TBC1D9B: variants seen among roughly 807,000 people sequenced by gnomAD.
TBC1D9B encodes TBC1 domain family member 9B, also known as TBC1 domain family, member 9B (with GRAM domain).
Under a neutral mutation model 121.1 loss-of-function variants are expected in TBC1D9B, and 87 were observed. That is an observed-to-expected ratio of 0.72 (90% CI 0.60 to 0.86). The LOEUF (loss-of-function observed/expected upper bound fraction) is 0.86. Ranked by LOEUF, TBC1D9B falls within the 40% of genes least tolerant of loss-of-function variation. TBC1D9B has a pLI of 0.00. For synonymous variants in TBC1D9B, 668 were observed against 670.1 expected, an observed-to-expected ratio of 1.00 and a Z score of 0.05; for missense variants, 1,540 against 1,628.6, an observed-to-expected ratio of 0.95 and a Z score of 0.94.
At chr5:179,873,911 G>A (rs1331487488) in intron 12 of TBC1D9B, among the ~76,000 whole-genome samples, 2 of 152,162 alleles carry the variant, frequency 1.3e-5, no homozygotes, top group African/African-American at 4.8e-5. Context: ...GGAAGCGGCA[G>A]GAAAACCAGC....
chr5:179,873,801 C>T (rs911580744), intron 12 of TBC1D9B, among the ~76,000 whole-genome samples: 2 of 151,998 alleles, frequency 1.3e-5, no homozygotes, highest in Non-Finnish European at 2.9e-5. Context: ...CTGAGCCTGA[C>T]ACTCAGGTGG....
rs1017328377 is a variant in TBC1D9B, at chr5:179,904,520, G to A, written c.229+182C>T. On this transcript the variant is annotated intron_variant, in intron 2 of 20. Coordinates refer to ENST00000355235, the MANE Select transcript of TBC1D9B (RefSeq NM_015043.4). The surrounding 1 kb of genome is among the most constrained non-coding windows in gnomAD (Gnocchi z 4.2). The stretch of plus-strand genomic sequence containing the variant: ...GATTACAGACGTGAGCCACCGCACC[G>A]GGCCACGGAGCTGCCTTTCTAAGAT... Among the ~76,000 whole-genome samples, 8 of 152,230 alleles carry A rather than the reference G, an allele frequency of 5.3e-5. No homozygotes were observed. The highest frequency in any genetic ancestry group is 1.9e-4 in the East Asian group (1 of 5,170).
intron 17 of TBC1D9B, 80 bp downstream of exon 17, chr5:179,869,689 C>T: frequency 6.6e-7 from 1 of 1,509,406 alleles, no homozygotes; most frequent in Non-Finnish European, 9.1e-7. Context: ...GCCCCACAGT[C>T]TCACAGAGGC....
chr5:179,869,500 C>T (rs1760120014), intron 17 of TBC1D9B: 4 of 636,370 alleles, frequency 6.3e-6, no homozygotes, highest in Non-Finnish European at 1.2e-5. Flanking sequence ...GGTTTTGGGT[C>T]CAGCTGCCTC....
intron 16 of TBC1D9B, 125 bp from the exon 17 acceptor site, chr5:179,869,959 G>T: frequency 9.7e-7 from 1 of 1,026,358 alleles, no homozygotes; most frequent in Non-Finnish European, 1.4e-6. Context: ...GTCACAGGGT[G>T]AGTCCCAGAT....
At chr5:179,881,775 C>T (rs1016304774) in intron 7 of TBC1D9B, among the ~76,000 whole-genome samples, 1 of 152,110 alleles carries the variant, frequency 6.6e-6, no homozygotes, top group Admixed American at 6.5e-5. Flanking sequence ...TCTTAGTCCT[C>T]TCTTTTTAAG....
intron 1 of TBC1D9B, among the ~76,000 whole-genome samples, chr5:179,906,363 AAGG>A (rs1242604710): frequency 2.0e-5 from 3 of 152,142 alleles, no homozygotes; most frequent in Non-Finnish European, 2.9e-5. Context: ...GTGAGGTGGA[AAGG>A]AGAAGAGCCC....
intron 3 of TBC1D9B, among the ~76,000 whole-genome samples, chr5:179,895,196 T>C (rs1285715789): frequency 6.6e-6 from 1 of 152,204 alleles, no homozygotes; most frequent in African/African-American, 2.4e-5. Context: ...GTTATTTTCA[T>C]GTAAAATTGT....
At chr5:179,882,640 T>A (rs1279544711) in intron 7 of TBC1D9B, among the ~76,000 whole-genome samples, 1 of 152,116 alleles carries the variant, frequency 6.6e-6, no homozygotes. Context: ...GGTCAGGAGT[T>A]CGAGATCAGT....
At chr5:179,867,186 A>T in intron 18 of TBC1D9B, 1 of 434,470 alleles carries the variant, frequency 2.3e-6, no homozygotes, top group Non-Finnish European at 4.2e-6. Context: ...AGGAAGACAG[A>T]ATGTCTCTAA....
chr5:179,870,353 C>T lies in TBC1D9B; in HGVS notation c.2627G>A (p.Cys876Tyr), dbSNP rs1318084783. Residue 876 changes from cysteine (C) to tyrosine (Y), a missense_variant, in exon 16 of 21, where the codon TGT (cysteine) becomes TAT (tyrosine). Coordinates refer to ENST00000355235, the MANE Select transcript of TBC1D9B (RefSeq NM_015043.4). The stretch of plus-strand genomic sequence containing the variant: ...TGCCAGCAGAGGTGTGTGGGAGCCA[C>T]AGGCCCAGGGTGTCAGGCTGGCAAA... ...ELFASLTPWA[C>Y]GSHTPLLAGR... 1 of 1,613,906 alleles carries T rather than the reference C, an allele frequency of 6.2e-7. No individual in the cohort carries two copies. Among genetic ancestry groups the T allele is most frequent in the African/African-American group, 1.3e-5 (1 of 75,072 alleles).
In TBC1D9B at chr5:179,874,616, T is replaced by C. The variant is rs1212705231; in HGVS notation, c.2186+286A>G. 6.6e-6 allele frequency among the ~76,000 whole-genome samples: 1 copy of C among 152,178 alleles called. No individual in the cohort carries two copies. Among genetic ancestry groups the C allele is most frequent in the Non-Finnish European group, 1.5e-5 (1 of 68,018 alleles). ...AATTGTGGTCACTGGATCTTGGCTCTGGTTTGCCCTCAGGGGAAGCATCTC... is the reference window on the plus strand; with the variant it reads ...AATTGTGGTCACTGGATCTTGGCTCCGGTTTGCCCTCAGGGGAAGCATCTC... On this transcript the variant is annotated intron_variant, in intron 12 of 20. Transcript: ENST00000355235. This position sits in a 1 kb window ranked among gnomAD's most constrained non-coding sequence, Gnocchi z 4.3.
chr5:179,899,124 G>A, intron 3 of TBC1D9B, 65 bp downstream of exon 3: 1 of 1,343,110 alleles, frequency 7.4e-7, no homozygotes, highest in South Asian at 1.2e-5. Context: ...GATGAAATAG[G>A]ATAATACACG....
At position 179,874,147 on chromosome 5, in the gene TBC1D9B, C is replaced by A. The variant is rs978720629; in HGVS notation, c.2186+755G>T. Among the ~76,000 whole-genome samples, 1 of 152,190 alleles carries A rather than the reference C, an allele frequency of 6.6e-6. No individual in the cohort carries two copies. Among genetic ancestry groups the A allele is most frequent in the African/African-American group, 2.4e-5 (1 of 41,434 alleles). On this transcript the variant is annotated intron_variant, in intron 12 of 20. Transcript: ENST00000355235. This position sits in a 1 kb window ranked among gnomAD's most constrained non-coding sequence, Gnocchi z 4.3. ...GGGTGGGACTGCACAGAGCTCAGGG[C>A]AGGGCAGAGTGTAGCCAGGAGGGGC...
At chr5:179,886,874 A>G (rs976239562) in intron 7 of TBC1D9B, among the ~76,000 whole-genome samples, 3 of 152,240 alleles carry the variant, frequency 2.0e-5, no homozygotes, top group Non-Finnish European at 4.4e-5. Flanking sequence ...ATCAAAGACG[A>G]CCAGTGTCGT....
At position 179,865,790 on chromosome 5, in the gene TBC1D9B, GC is replaced by G. The variant is rs1193674165; in HGVS notation, c.2914+47del. 1 of 1,539,952 alleles carries G rather than the reference GC, an allele frequency of 6.5e-7. No homozygotes were observed. The highest frequency in any genetic ancestry group is 2.3e-5 in the East Asian group (1 of 44,236). ...GGGGAAAAGACCAGCAAGCAAGGGT[GC>G]CTCAACGCTGGGGTCTCTAAGAACA... On this transcript the variant is annotated intron_variant, in intron 19 of 20. Coordinates refer to ENST00000355235, the MANE Select transcript of TBC1D9B (RefSeq NM_015043.4). This position sits in a 1 kb window ranked among gnomAD's most constrained non-coding sequence, Gnocchi z 5.1.
At position 179,899,177 on chromosome 5, in the gene TBC1D9B, G is replaced by C; in HGVS notation, c.348+12C>G. The C allele has an allele frequency of 6.3e-7, 1 of 1,577,134 alleles. No individual in the cohort carries two copies. The highest frequency in any genetic ancestry group is 8.6e-7 in the Non-Finnish European group (1 of 1,158,226). On this transcript the variant is annotated intron_variant, in intron 3 of 20. Coordinates refer to ENST00000355235, the MANE Select transcript of TBC1D9B (RefSeq NM_015043.4). ...GGAAGGGTGAGAACAGAGAGTGGCG[G>C]GTAAACCTTACGTGTATCTTGCCCT...
In TBC1D9B at chr5:179,904,897, G is replaced by T; in HGVS notation, c.119-85C>A. The T allele has an allele frequency of 9.4e-7, 1 of 1,063,208 alleles. No individual in the cohort carries two copies. Among genetic ancestry groups the T allele is most frequent in the Non-Finnish European group, 1.4e-6 (1 of 740,624 alleles). The allele number at this position is 1,063,208 out of a possible 1,614,324, so 65.9% of individuals were successfully genotyped here. A position where few individuals can be genotyped will look rare whatever the true frequency, so the allele number is the denominator to read the frequency against. ...GGCTGAGTCTGGCCGGAGGCAGACA[G>T]GATGGTGACGCTACCCAAAGGGTCC... is the stretch of plus-strand genomic sequence containing the variant. On this transcript the variant is annotated intron_variant, in intron 1 of 20. Coordinates refer to ENST00000355235, the MANE Select transcript of TBC1D9B (RefSeq NM_015043.4). The surrounding 1 kb of genome is among the most constrained non-coding windows in gnomAD (Gnocchi z 4.2).
intron 3 of TBC1D9B, among the ~76,000 whole-genome samples, chr5:179,897,953 C>T (rs1484622869): frequency 1.3e-5 from 2 of 152,206 alleles, no homozygotes; most frequent in South Asian, 2.1e-4. Context: ...TTGCACCACA[C>T]GACTTTGACC....
Sources: allele counts gnomAD v4.1 joint callset (sites outside exome capture counted in the v4.1 genomes callset), GRCh38; gene constraint gnomAD v4.1.1; non-coding constraint Gnocchi (gnomAD v3.1); transcripts MANE v1.5; gene names NCBI Gene and HGNC (gene_info 2026-07-23, HGNC 2026-07-21).